Variants in NCR1 observed in about 807,000 individuals in gnomAD.
NCR1 encodes natural cytotoxicity triggering receptor 1, also known as NK cell-activating receptor.
A neutral mutation model predicts 32.5 loss-of-function variants in NCR1; 30 were observed. The observed-to-expected ratio is 0.92, with a 90% CI of 0.69 to 1.25. The LOEUF (loss-of-function observed/expected upper bound fraction) is 1.25. Ranked by LOEUF, NCR1 falls within the 50% of genes most tolerant of loss-of-function variation. The pLI is 0.00. For missense variants in NCR1, 369 were observed against 380.7 expected (o/e 0.97, Z 0.26); for synonymous variants, 169 against 143.4 (o/e 1.18, Z -1.28).
upstream of NCR1, among the ~76,000 whole-genome samples, chr19:54,902,724 T>C (rs1204847442): frequency 6.6e-6 from 1 of 152,102 alleles, no homozygotes; most frequent in African/African-American, 2.4e-5. Flanking sequence ...ATAAGTCTCC[T>C]CCATAGAGGG....
At chr19:54,922,529 CCA>C in the NCR1 span, among the ~76,000 whole-genome samples, 1 of 151,702 alleles carries the variant, frequency 6.6e-6, no homozygotes, top group Admixed American at 6.6e-5. Context: ...TGTAATCCCA[CCA>C]CTCTGGGAGG....
the NCR1 span, chr19:54,934,516 C>T: frequency 4.3e-4 from 699 of 1,614,100 alleles, 1 homozygote; most frequent in African/African-American, 5.8e-3. The surrounding 1 kb of genome is among the most constrained non-coding windows in gnomAD (Gnocchi z 6.7). Flanking sequence ...GTGTTTTGGG[C>T]GTGTCATGGT....
the NCR1 span, chr19:54,933,750 A>G: frequency 6.2e-7 from 1 of 1,611,906 alleles, no homozygotes; most frequent in Admixed American, 1.7e-5. Context: ...CTGCAAAAAT[A>G]TGAAACAAAT....
upstream of NCR1, among the ~76,000 whole-genome samples, chr19:54,904,564 C>T (rs587614146): frequency 1.5e-5 from 2 of 129,574 alleles, no homozygotes; most frequent in South Asian, 4.8e-4. Flanking sequence ...TGGAGTTTCA[C>T]TCTTGTTGCC....
intron 3 of NCR1, 57 bp downstream of exon 3, chr19:54,906,864 A>G: frequency 6.4e-7 from 1 of 1,572,666 alleles, no homozygotes; most frequent in South Asian, 1.1e-5. Flanking sequence ...GGGATGCAGC[A>G]TCATCTATGA....
At chr19:54,929,171 C>T in the NCR1 span, among the ~76,000 whole-genome samples, 1 of 151,996 alleles carries the variant, frequency 6.6e-6, no homozygotes, top group Non-Finnish European at 1.5e-5. Flanking sequence ...GAGTTTGAGA[C>T]CAGTCTGGCT....
upstream of NCR1, among the ~76,000 whole-genome samples, chr19:54,903,625 CG>C (rs1279608403): frequency 1.4e-5 from 2 of 140,020 alleles, no homozygotes; most frequent in Non-Finnish European, 1.5e-5. Context: ...TATACATGTA[CG>C]GTACTATGCA....
upstream of NCR1, among the ~76,000 whole-genome samples, chr19:54,903,390 A>G (rs375677926): frequency 2.9e-5 from 4 of 136,912 alleles, no homozygotes; most frequent in Admixed American, 7.1e-5. Flanking sequence ...ATGTATATAC[A>G]TATATGTATA....
chr19:54,935,570 C>T, the NCR1 span, among the ~76,000 whole-genome samples: 2 of 140,814 alleles, frequency 1.4e-5, no homozygotes, highest in Non-Finnish European at 1.5e-5. Flanking sequence ...GTGGTGCACG[C>T]CTGTAACCCC....
chr19:54,911,422 A>G (rs1211524962), intron 5 of NCR1, among the ~76,000 whole-genome samples: 2 of 130,334 alleles, frequency 1.5e-5, no homozygotes, highest in East Asian at 2.2e-4. Context: ...GTGAGGAGAA[A>G]GAGGTAATGA....
At chr19:54,934,834 G>A in the NCR1 span, among the ~76,000 whole-genome samples, 12 of 151,730 alleles carry the variant, frequency 7.9e-5, no homozygotes, top group Admixed American at 2.0e-4. This position sits in a 1 kb window ranked among gnomAD's most constrained non-coding sequence, Gnocchi z 6.7. Flanking sequence ...CTCAGCCTCC[G>A]AAGTAGCTGG....
intron 5 of NCR1, among the ~76,000 whole-genome samples, chr19:54,911,348 C>CAA (rs1322243831): frequency 9.8e-5 from 13 of 132,586 alleles, no homozygotes; most frequent in South Asian, 4.7e-4. Flanking sequence ...GACTCCGTCT[C>CAA]AAAAAAAAAG....
the NCR1 span, among the ~76,000 whole-genome samples, chr19:54,899,366 G>T: frequency 1.3e-5 from 2 of 152,090 alleles, no homozygotes; most frequent in South Asian, 4.2e-4. Flanking sequence ...AGAAGAAGGA[G>T]GAATGGAGGG....
chr19:54,919,727 C>A (rs2068209618), downstream of NCR1, among the ~76,000 whole-genome samples: 1 of 145,898 alleles, frequency 6.9e-6, no homozygotes, highest in Non-Finnish European at 1.5e-5. Context: ...CCCCCCCCCA[C>A]CCGCTGCCCC....
chr19:54,933,046 G>T, the NCR1 span, among the ~76,000 whole-genome samples: 1 of 152,142 alleles, frequency 6.6e-6, no homozygotes, highest in African/African-American at 2.4e-5. Flanking sequence ...CATCAGATCC[G>T]AGAACCAACT....
At chr19:54,925,904 G>A in the NCR1 span, among the ~76,000 whole-genome samples, 1 of 151,786 alleles carries the variant, frequency 6.6e-6, no homozygotes, top group South Asian at 2.1e-4. Flanking sequence ...GGAGGCTGAG[G>A]CAGGAGAATG....
At chr19:54,921,791 AAAAAG>A in the NCR1 span, among the ~76,000 whole-genome samples, 7 of 144,200 alleles carry the variant, frequency 4.9e-5, no homozygotes, top group South Asian at 4.3e-4. Context: ...AAAAAAAAAA[AAAAAG>A]AAAAGAAAAC....
intron 3 of NCR1, among the ~76,000 whole-genome samples, chr19:54,908,865 G>A (rs2067786841): frequency 6.6e-6 from 1 of 151,924 alleles, no homozygotes; most frequent in Non-Finnish European, 1.5e-5. Flanking sequence ...CCTGACCCAG[G>A]AGGTCGAGGC....
chr19:54,926,959 G>A, the NCR1 span, among the ~76,000 whole-genome samples: 1 of 148,514 alleles, frequency 6.7e-6, no homozygotes, highest in African/African-American at 2.5e-5. Context: ...CTGTGGTGGT[G>A]TGTACCTGTA....
Sources: allele counts gnomAD v4.1 joint callset (sites outside exome capture counted in the v4.1 genomes callset), GRCh38; gene constraint gnomAD v4.1.1; non-coding constraint Gnocchi (gnomAD v3.1); transcripts MANE v1.5; gene names NCBI Gene and HGNC (gene_info 2026-07-23, HGNC 2026-07-21).